The following RDX variants were observed in gnomAD, a reference collection of about 807,000 sequenced individuals.
RDX encodes the protein radixin, also known as deafness, autosomal recessive 24.
In RDX, 32 loss-of-function variants were observed where a neutral mutation model predicts 83.7. The observed-to-expected ratio is 0.38, with a 90% CI of 0.29 to 0.51. The LOEUF (loss-of-function observed/expected upper bound fraction) is 0.51. Ranked by LOEUF, RDX falls within the 20% of genes least tolerant of loss-of-function variation. RDX has a pLI of 0.87. For synonymous variants in RDX, 229 were observed against 222.7 expected (o/e 1.03, Z -0.25); for missense variants, 600 against 689.9 (o/e 0.87, Z 1.46).
intron 1 of RDX, among the ~76,000 whole-genome samples, chr11:110,287,485 G>C (rs536539800): frequency 1.3e-5 from 2 of 152,100 alleles, no homozygotes; most frequent in Non-Finnish European, 2.9e-5. Flanking sequence ...TAGGTCCCCG[G>C]GTTTAAAACC....
intron 8 of RDX, 68 bp from the exon 9 acceptor site, chr11:110,254,177 A>G: frequency 7.7e-7 from 1 of 1,299,598 alleles, no homozygotes; most frequent in Non-Finnish European, 1.1e-6. Context: ...AATCTGTACT[A>G]AATTTTAACA....
At chr11:110,293,461 T>C (rs1861325419) in intron 1 of RDX, among the ~76,000 whole-genome samples, 1 of 152,162 alleles carries the variant, frequency 6.6e-6, no homozygotes, top group Non-Finnish European at 1.5e-5. Flanking sequence ...AGGCAGGATT[T>C]CTCTAAAATA....
At chr11:110,272,999 G>A in intron 2 of RDX, 1 of 456,774 alleles carries the variant, frequency 2.2e-6, no homozygotes. Flanking sequence ...GGCCAAGGTG[G>A]GAGGATCTCT....
At chr11:110,213,444 C>T in intron 14 of RDX, among the ~76,000 whole-genome samples, 1 of 38,554 alleles carries the variant, frequency 2.6e-5, no homozygotes, top group Non-Finnish European at 5.2e-5. Context: ...AATGCCATCC[C>T]CATCAAGCTA....
At chr11:110,253,919 A>T in intron 9 of RDX, 27 bp downstream of exon 9, 1 of 1,609,618 alleles carries the variant, frequency 6.2e-7, no homozygotes. Context: ...CCTATCAATT[A>T]AAAGTGAAAG....
intron 14 of RDX, among the ~76,000 whole-genome samples, chr11:110,203,174 A>G (rs1188502351): frequency 1.3e-5 from 2 of 152,224 alleles, no homozygotes; most frequent in Non-Finnish European, 2.9e-5. Flanking sequence ...AGTACTATTC[A>G]GCCATAAAGA....
chr11:110,222,100 C>T (rs961093161), intron 14 of RDX, among the ~76,000 whole-genome samples: 2 of 152,124 alleles, frequency 1.3e-5, no homozygotes, highest in African/African-American at 4.8e-5. Flanking sequence ...TTTAATAGTA[C>T]TATTAAACCA....
At chr11:110,295,074 T>C (rs1049047672) in intron 1 of RDX, among the ~76,000 whole-genome samples, 3 of 152,252 alleles carry the variant, frequency 2.0e-5, no homozygotes, top group Admixed American at 1.3e-4. Flanking sequence ...AGGAGTGTTT[T>C]ACATGTTGCT....
chr11:110,198,820 CTTT>C (rs34948055), intron 15 of RDX, among the ~76,000 whole-genome samples: 93 of 146,958 alleles, frequency 6.3e-4, no homozygotes, highest in African/African-American at 1.1e-3. Flanking sequence ...CTGAATACGT[CTTT>C]TTTTTTTTTT....
At position 110,200,947 on chromosome 11, in the gene RDX, G is replaced by A. The variant is rs193243060; in HGVS notation, c.1749-1269C>T. ...AATTCCAGCACTTTGGGAGGCCGAG[G>A]CAGAGATCACCTGAGGTCGGGAGTT... On this transcript the variant is annotated intron_variant, in intron 14 of 15. Coordinates refer to the RDX transcript ENST00000528498. 1.7e-4 allele frequency among the ~76,000 whole-genome samples: 26 copies of A among 152,230 alleles called. No individual in the cohort carries two copies. In the Middle Eastern group the frequency reaches 0.017, roughly 100 times the overall value.
In RDX at chr11:110,268,552, A is replaced by G. The variant is rs78289837; in HGVS notation, c.97-3678T>C. ...CAGGTCAAAAGCAGCAGAGAGAAGT[A>G]TAACAAAGCAGCTGGGCTCAGCTTC... On this transcript the variant is annotated intron_variant, in intron 3 of 13. Coordinates refer to ENST00000645495, the MANE Select transcript of RDX (RefSeq NM_002906.4). Among the ~76,000 whole-genome samples the G allele has an allele frequency of 2.0e-3, 299 of 152,344 alleles. 1 individual carries two copies. Among genetic ancestry groups the G allele is most frequent in the African/African-American group, 6.9e-3 (288 of 41,578 alleles).
chr11:110,261,862 C>CTT (rs1859820805), intron 5 of RDX, among the ~76,000 whole-genome samples: 1 of 152,026 alleles, frequency 6.6e-6, no homozygotes, highest in East Asian at 1.9e-4. Context: ...ATAAACTGTG[C>CTT]TTGTGTGTTA....
intron 3 of RDX, among the ~76,000 whole-genome samples, chr11:110,266,305 C>A (rs1453609427): frequency 6.6e-6 from 1 of 151,786 alleles, no homozygotes; most frequent in African/African-American, 2.4e-5. Flanking sequence ...TGCACTCCAG[C>A]CTGGGCGACA....
chr11:110,193,105 C>G (rs1001810801), intron 15 of RDX, among the ~76,000 whole-genome samples: 3 of 152,108 alleles, frequency 2.0e-5, no homozygotes, highest in African/African-American at 7.2e-5. Flanking sequence ...AGCAAAGATA[C>G]GGAATCAACC....
At chr11:110,211,743 A>C (rs1185243277) in intron 14 of RDX, among the ~76,000 whole-genome samples, 2 of 149,840 alleles carry the variant, frequency 1.3e-5, no homozygotes, top group Non-Finnish European at 3.0e-5. Flanking sequence ...TACTGGGTAC[A>C]TAACGAAATG....
intron 14 of RDX, among the ~76,000 whole-genome samples, chr11:110,207,907 T>C (rs1863665306): frequency 6.6e-6 from 1 of 152,144 alleles, no homozygotes; most frequent in South Asian, 2.1e-4. Context: ...ATTACAGTAA[T>C]TTTCTGTTGA....
At chr11:110,239,841 T>TA (rs34603140) in intron 10 of RDX, among the ~76,000 whole-genome samples, 2,313 of 134,630 alleles carry the variant, frequency 0.017, 32 homozygotes, top group East Asian at 0.078. Flanking sequence ...ACTCTGTTTT[T>TA]AAAAAAAAAA....
At chr11:110,281,941 A>C (rs1428227877) in intron 1 of RDX, among the ~76,000 whole-genome samples, 3 of 47,224 alleles carry the variant, frequency 6.4e-5, no homozygotes, top group Non-Finnish European at 1.3e-4. Context: ...TCTCTATCAA[A>C]AAAAAAAAAA....
intron 1 of RDX, among the ~76,000 whole-genome samples, chr11:110,287,606 A>T (rs7121614): frequency 0.45 from 69,115 of 151,958 alleles, 16,033 homozygotes; most frequent in East Asian, 0.58. Flanking sequence ...CCGTCATCCC[A>T]AAGTGAAGCA....
Sources: allele counts gnomAD v4.1 joint callset (sites outside exome capture counted in the v4.1 genomes callset), GRCh38; gene constraint gnomAD v4.1.1; transcripts MANE v1.5; gene names NCBI Gene and HGNC (gene_info 2026-07-23, HGNC 2026-07-21).